RIMBP2: variants seen among roughly 807,000 people sequenced by gnomAD.
The protein encoded by RIMBP2 is RIMS-binding protein 2.
A neutral mutation model predicts 118.6 loss-of-function variants in RIMBP2; 48 were observed. That is an observed-to-expected ratio of 0.40 (90% CI 0.32 to 0.51). The LOEUF is 0.51. RIMBP2 is among the 20% of genes least tolerant of loss of function. The probability of loss-of-function intolerance (pLI) is 0.41; values close to 1 mark genes in which losing one functional copy is unlikely to be tolerated. For synonymous variants in RIMBP2, 762 were observed against 742.9 expected (o/e 1.03, Z -0.42); for missense variants, 1,551 against 1,768.3 (o/e 0.88, Z 2.20).
intron 7 of RIMBP2, among the ~76,000 whole-genome samples, chr12:130,455,232 C>T (rs1331813077): frequency 6.6e-6 from 1 of 152,248 alleles, no homozygotes; most frequent in Non-Finnish European, 1.5e-5. Flanking sequence ...TTGTTTTCCT[C>T]CACTCTTCAG....
chr12:130,486,047 C>T (rs2082442950), intron 4 of RIMBP2, among the ~76,000 whole-genome samples: 1 of 152,134 alleles, frequency 6.6e-6, no homozygotes, highest in Non-Finnish European at 1.5e-5. Context: ...CCAAATCTTA[C>T]CTGTTTCTGC....
intron 7 of RIMBP2, among the ~76,000 whole-genome samples, chr12:130,454,780 T>G (rs2079280345): frequency 6.6e-6 from 1 of 152,210 alleles, no homozygotes; most frequent in Non-Finnish European, 1.5e-5. Flanking sequence ...CGCCTCCCTG[T>G]CCCGGGAGCT....
chr12:130,651,335 G>C (rs2063223307), intron 1 of RIMBP2: 1 of 152,254 alleles, frequency 6.6e-6, no homozygotes, highest in Non-Finnish European at 1.5e-5. Context: ...GGGAACGTAA[G>C]GACTATGATG....
chr12:130,664,869 G>A (rs964554010), intron 1 of RIMBP2, among the ~76,000 whole-genome samples: 7 of 151,790 alleles, frequency 4.6e-5, no homozygotes, highest in Admixed American at 1.3e-4. Flanking sequence ...AAAGGGGGGC[G>A]GGGCAGGGAA....
In RIMBP2 at chr12:130,569,152, T is replaced by C. The variant is rs1168160835; in HGVS notation, c.-216-51235A>G. On this transcript the variant is annotated intron_variant, in intron 2 of 22. Coordinates refer to ENST00000690449, the MANE Select transcript of RIMBP2 (RefSeq NM_001393629.1). ...TACTAGACAGTCCACACACTGCTAGTCCAGGACATGTCAGCTCCCTGGGCC... is the reference window on the plus strand; with the variant it reads ...TACTAGACAGTCCACACACTGCTAGCCCAGGACATGTCAGCTCCCTGGGCC... Among the ~76,000 whole-genome samples the C allele has an allele frequency of 2.0e-5, 3 of 152,148 alleles. No homozygotes were observed. In the East Asian group the frequency reaches 5.8e-4, roughly 29 times the overall value.
chr12:130,603,341 C>A (rs1274958605), intron 2 of RIMBP2, among the ~76,000 whole-genome samples: 2 of 152,184 alleles, frequency 1.3e-5, no homozygotes, highest in Admixed American at 6.5e-5. Context: ...GTGAGCACAT[C>A]CTATAACCCT....
At chr12:130,673,770 T>C (rs1195340951) in intron 1 of RIMBP2, among the ~76,000 whole-genome samples, 1 of 152,068 alleles carries the variant, frequency 6.6e-6, no homozygotes, top group Non-Finnish European at 1.5e-5. Flanking sequence ...CTTTTGGTGC[T>C]CTTCTTATGA....
In RIMBP2 at chr12:130,470,704, G is replaced by T. The variant is rs762528299; in HGVS notation, c.142C>A (p.Arg48=). 8.1e-7 allele frequency: 1 copy of T among 1,231,902 alleles called. No homozygotes were observed. Among genetic ancestry groups the T allele is most frequent in the Non-Finnish European group, 1.0e-6 (1 of 987,828 alleles). 76.3% of individuals were successfully genotyped at this position (1,231,902 alleles called of 1,614,324 possible). A position where few individuals can be genotyped will look rare whatever the true frequency, so the allele number is the denominator to read the frequency against. ...EAKKEHEGAV[R]LLESKVRELE... ...GGCACGCTCCTTACCTCTAGCAGCCGCACTGCGCCTTCATGCTCCTTCTTA... is the reference window on the plus strand; with the variant it reads ...GGCACGCTCCTTACCTCTAGCAGCCTCACTGCGCCTTCATGCTCCTTCTTA... The change falls in exon 6 of 23, where the codon CGG becomes AGG. Residue 48 remains arginine, a synonymous_variant. Transcript: ENST00000690449.
At chr12:130,436,692 GAGTCCACC>G in intron 13 of RIMBP2, 142 bp downstream of exon 13, 1 of 500,262 alleles carries the variant, frequency 2.0e-6, no homozygotes, top group South Asian at 8.3e-5. Flanking sequence ...GCACATGACA[GAGTCCACC>G]AGCAAAGCGG....
chr12:130,473,189 G>A (rs923312578), intron 5 of RIMBP2, among the ~76,000 whole-genome samples: 3 of 152,222 alleles, frequency 2.0e-5, no homozygotes, highest in Non-Finnish European at 2.9e-5. Flanking sequence ...GGCCATTTGG[G>A]CAATCAGAAT....
chr12:130,552,882 G>A (rs1181229753), intron 2 of RIMBP2, among the ~76,000 whole-genome samples: 1 of 152,164 alleles, frequency 6.6e-6, no homozygotes, highest in Non-Finnish European at 1.5e-5. Context: ...GCCGGGCGTG[G>A]TGGCTCACAC....
intron 1 of RIMBP2, among the ~76,000 whole-genome samples, chr12:130,690,564 T>C (rs893805138): frequency 9.9e-5 from 15 of 152,218 alleles, no homozygotes; most frequent in African/African-American, 3.6e-4. Context: ...CTCTGGCCCA[T>C]GCATCCCCTT....
chr12:130,579,090 CTT>C (rs2058288057), intron 2 of RIMBP2, among the ~76,000 whole-genome samples: 1 of 152,224 alleles, frequency 6.6e-6, no homozygotes, highest in South Asian at 2.1e-4. Context: ...TAGCCTGTTG[CTT>C]CAGTTGTTTG....
At chr12:130,519,605 A>G (rs561655938) in intron 2 of RIMBP2, among the ~76,000 whole-genome samples, 1 of 152,318 alleles carries the variant, frequency 6.6e-6, no homozygotes, top group East Asian at 1.9e-4. Flanking sequence ...CACATGGGGG[A>G]ATCCCTGGAG....
intron 4 of RIMBP2, among the ~76,000 whole-genome samples, chr12:130,485,944 C>T (rs368295277): frequency 2.8e-4 from 43 of 152,314 alleles, no homozygotes; most frequent in African/African-American, 9.6e-4. Flanking sequence ...GAGAAGCACT[C>T]GGCCCTCGAA....
chr12:130,555,534 T>A (rs1012457116), intron 2 of RIMBP2, among the ~76,000 whole-genome samples: 5 of 152,188 alleles, frequency 3.3e-5, no homozygotes, highest in Non-Finnish European at 7.3e-5. Context: ...GAAATATGAT[T>A]ATATTATTAC....
At chr12:130,691,750 C>G (rs529790969) in intron 1 of RIMBP2, among the ~76,000 whole-genome samples, 1 of 152,234 alleles carries the variant, frequency 6.6e-6, no homozygotes, top group Non-Finnish European at 1.5e-5. Context: ...GGAAGGAGCT[C>G]ATGCAGACGG....
intron 2 of RIMBP2, among the ~76,000 whole-genome samples, chr12:130,626,751 CCT>C (rs2061661938): frequency 6.6e-6 from 1 of 151,290 alleles, no homozygotes; most frequent in Admixed American, 6.6e-5. Flanking sequence ...ATCACCATCT[CCT>C]CTGTTGCCAC....
At chr12:130,402,192 T>A (rs2074670114) in intron 21 of RIMBP2, among the ~76,000 whole-genome samples, 5 of 152,188 alleles carry the variant, frequency 3.3e-5, no homozygotes, top group Admixed American at 3.3e-4. Flanking sequence ...GCGGTGTGAA[T>A]ACTGCTTTGG....
Sources: allele counts gnomAD v4.1 joint callset (sites outside exome capture counted in the v4.1 genomes callset), GRCh38; gene constraint gnomAD v4.1.1; transcripts MANE v1.5; gene names NCBI Gene and HGNC (gene_info 2026-07-23, HGNC 2026-07-21).